The following CUBN variants were observed in gnomAD, a reference collection of about 807,000 sequenced individuals.
CUBN encodes 460 kDa receptor.
A neutral mutation model predicts 405.3 loss-of-function variants in CUBN; 282 were observed. The ratio of observed to expected loss-of-function variants is 0.70; its 90% CI spans 0.63 to 0.77. The LOEUF (loss-of-function observed/expected upper bound fraction) is 0.77. Ranked by LOEUF, CUBN falls within the 30% of genes least tolerant of loss-of-function variation. CUBN has a pLI of 0.00. For synonymous variants in CUBN, 1,684 were observed against 1,617.0 expected (o/e 1.04, Z -0.99); for missense variants, 4,514 against 4,475.2 (o/e 1.01, Z -0.25).
intron 31 of CUBN, among the ~76,000 whole-genome samples, chr10:16,955,589 T>C (rs1022774194): frequency 6.6e-6 from 1 of 152,106 alleles, no homozygotes; most frequent in Non-Finnish European, 1.5e-5. Context: ...TCTGGATGAA[T>C]TTTTGAATAC....
At chr10:17,004,674 C>CTTCT (rs1554808666) in intron 28 of CUBN, among the ~76,000 whole-genome samples, 1 of 141,148 alleles carries the variant, frequency 7.1e-6, no homozygotes, top group East Asian at 2.1e-4. Flanking sequence ...CTAAATAGCT[C>CTTCT]TTTTTTTTTT....
rs761384216 is a variant in CUBN at position 16,869,658 on chromosome 10, CT to C, written c.9431del (p.Lys3144ArgfsTer18). 2 of 1,613,402 alleles carry C rather than the reference CT, an allele frequency of 1.2e-6. No individual in the cohort carries two copies. The highest frequency in any genetic ancestry group is 1.7e-6 in the Non-Finnish European group (2 of 1,179,514). ...TACCCAATGTCTGCCGGAAAGACAT[CT>C]TCCAGCCTTTTGCTGTCTGAAATGA... ...TDSFQTAKGW[K>X]MSFRQTLGPQ... On this transcript the variant is annotated frameshift_variant, in exon 59 of 67. Coordinates refer to ENST00000377833, the MANE Select transcript of CUBN (RefSeq NM_001081.4). LOFTEE classifies it high-confidence loss of function.
At chr10:17,046,825 C>T (rs936750833) in intron 23 of CUBN, among the ~76,000 whole-genome samples, 1 of 152,026 alleles carries the variant, frequency 6.6e-6, no homozygotes, top group Admixed American at 6.6e-5. Context: ...GAATGATTAG[C>T]CTAATTTAAC....
At chr10:16,889,935 CAAAAAAA>C (rs1554788544) in intron 55 of CUBN, among the ~76,000 whole-genome samples, 2 of 19,902 alleles carry the variant, frequency 1.0e-4, no homozygotes, top group Middle Eastern at 0.033. Flanking sequence ...GACGCCGTGT[CAAAAAAA>C]AAAAAAAAAA....
At chr10:16,906,944 A>T (rs1450338288) in intron 49 of CUBN, among the ~76,000 whole-genome samples, 1 of 151,958 alleles carries the variant, frequency 6.6e-6, no homozygotes, top group Non-Finnish European at 1.5e-5. Context: ...ATTTTAAAAC[A>T]CTCCCACTTC....
chr10:16,962,306 T>C (rs7079346), intron 31 of CUBN, among the ~76,000 whole-genome samples: 3,230 of 151,970 alleles, frequency 0.021, 127 homozygotes, highest in African/African-American at 0.075. Flanking sequence ...TAAATTGCTG[T>C]GTAAGAAATG....
At chr10:16,859,727 G>A (rs1839963388) in intron 59 of CUBN, among the ~76,000 whole-genome samples, 1 of 152,038 alleles carries the variant, frequency 6.6e-6, no homozygotes, top group Non-Finnish European at 1.5e-5. Flanking sequence ...ATAAAAGAGA[G>A]GTCTTCCAAA....
intron 17 of CUBN, among the ~76,000 whole-genome samples, chr10:17,076,074 G>A (rs962419254): frequency 4.0e-5 from 6 of 151,802 alleles, no homozygotes; most frequent in South Asian, 2.1e-4. Flanking sequence ...TTTCTATTTC[G>A]CCCATTAGAA....
chr10:17,103,411 C>A (rs1236311647), intron 12 of CUBN, among the ~76,000 whole-genome samples, 174 bp from the exon 13 acceptor site: 3 of 152,202 alleles, frequency 2.0e-5, no homozygotes, highest in Non-Finnish European at 1.5e-5. Flanking sequence ...CCATAGAAAT[C>A]CCACCTCTTG....
At chr10:17,003,443 C>T (rs193121985) in intron 28 of CUBN, among the ~76,000 whole-genome samples, 3 of 152,286 alleles carry the variant, frequency 2.0e-5, no homozygotes, top group Admixed American at 6.5e-5. Context: ...CAACATCATA[C>T]TTCCAGATTG....
intron 40 of CUBN, among the ~76,000 whole-genome samples, chr10:16,931,100 CAA>C (rs764466526): frequency 1.3e-4 from 17 of 133,000 alleles, no homozygotes; most frequent in African/African-American, 2.7e-4. Context: ...ACTAAAAATA[CAA>C]AAAAAAAAAA....
chr10:16,826,458 TA>T, intron 66 of CUBN, among the ~76,000 whole-genome samples: 1 of 152,340 alleles, frequency 6.6e-6, no homozygotes, highest in East Asian at 1.9e-4. Context: ...CAAAAAGTTG[TA>T]TGTAAATATT....
At position 16,891,904 on chromosome 10, in the gene CUBN, A is replaced by C. The variant is rs577322864; in HGVS notation, c.8599-1377T>G. ...TGCTACACAATCTGCAATACCCAAT[A>C]TGCCCTTTCTATCAACAGACAACTA... On this transcript the variant is annotated intron_variant, in intron 54 of 66. Transcript: ENST00000377833. Among the ~76,000 whole-genome samples the C allele has an allele frequency of 1.4e-4, 21 of 152,212 alleles. No individual in the cohort carries two copies. In the South Asian group the frequency reaches 1.7e-3, roughly 12 times the overall value.
chr10:16,934,045 C>T (rs138726458), intron 39 of CUBN, among the ~76,000 whole-genome samples: 230 of 152,172 alleles, frequency 1.5e-3, no homozygotes, highest in Non-Finnish European at 2.5e-3. Context: ...TGAGGAGATG[C>T]GCTGTTTTCT....
At chr10:16,957,998 C>T (rs1446173886) in intron 31 of CUBN, among the ~76,000 whole-genome samples, 1 of 152,034 alleles carries the variant, frequency 6.6e-6, no homozygotes, top group South Asian at 2.1e-4. Context: ...TTCAAAGGTC[C>T]AAGGAATAAG....
chr10:16,952,206 C>T lies in CUBN; in HGVS notation c.4969+70G>A, dbSNP rs1842938499. 4 of 1,076,702 alleles carry T rather than the reference C, an allele frequency of 3.7e-6. No homozygotes were observed. The Admixed American group carries it at 5.1e-5, about 14-fold the overall frequency. 66.7% of individuals were successfully genotyped at this position (1,076,702 alleles called of 1,614,324 possible). On this transcript the variant is annotated intron_variant, in intron 33 of 66. Coordinates refer to ENST00000377833, the MANE Select transcript of CUBN (RefSeq NM_001081.4). The stretch of plus-strand genomic sequence containing the variant: ...TGTTAGCACTGAGATAAGAAGGTTA[C>T]TCATAGACTGACCTTCCCACAGACA...
chr10:17,071,850 C>G lies in CUBN; in HGVS notation c.2423G>C (p.Ser808Thr). ...ACCGACTTGATAAACAGCTCTGAAA[C>G]TAGCTTTTTCAACAGAAGCATCTAT... ...FKIDASVEKA[S>T]FRAVYQVACG... Residue 808 changes from serine (S) to threonine (T), a missense_variant, in exon 18 of 67, where the codon AGT becomes ACT. By Grantham distance (58) the Ser-to-Thr change is moderately conservative. Around this residue, in one of 5 missense-constraint regions of CUBN, gnomAD observed 1,448 missense variants for 1,388.0 expected, o/e 1.04. Transcript: ENST00000377833. 1 of 1,612,672 alleles carries G rather than the reference C, an allele frequency of 6.2e-7. No homozygotes were observed. Among genetic ancestry groups the G allele is most frequent in the Non-Finnish European group, 8.5e-7 (1 of 1,179,740 alleles).
chr10:17,037,551 G>T (rs952694934), intron 27 of CUBN, among the ~76,000 whole-genome samples: 1 of 152,088 alleles, frequency 6.6e-6, no homozygotes, highest in East Asian at 1.9e-4. Flanking sequence ...TGGATAATAC[G>T]GTTCCAACCT....
At chr10:17,109,867 T>A in intron 9 of CUBN, 132 bp from the exon 10 acceptor site, 1 of 687,470 alleles carries the variant, frequency 1.5e-6, no homozygotes, top group Non-Finnish European at 2.6e-6. Context: ...AATATAAGTA[T>A]AAAATGTCAT....
Sources: allele counts gnomAD v4.1 joint callset (sites outside exome capture counted in the v4.1 genomes callset), GRCh38; gene constraint gnomAD v4.1.1; regional missense constraint gnomAD v4.1.1; transcripts MANE v1.5; gene names NCBI Gene and HGNC (gene_info 2026-07-23, HGNC 2026-07-21).